The following MYO7B variants were observed in gnomAD, a reference collection of about 807,000 sequenced individuals.
MYO7B encodes the protein unconventional myosin-VIIb.
MYO7B carries 212 observed loss-of-function variants against 259.7 expected under a neutral mutation model. That is an observed-to-expected ratio of 0.82 (90% CI 0.73 to 0.91). MYO7B has a LOEUF of 0.91. MYO7B is among the 40% of genes least tolerant of loss of function. MYO7B has a pLI of 0.00. For missense variants in MYO7B, 2,732 were observed against 2,813.5 expected, an observed-to-expected ratio of 0.97 and a Z score of 0.66; for synonymous variants, 1,197 against 1,166.4, an observed-to-expected ratio of 1.03 and a Z score of -0.54.
Position 127,637,076 on chromosome 2 carries a change from C to T in MYO7B, c.6327+163C>T, listed in dbSNP as rs1466641525. On this transcript the variant is annotated intron_variant, in intron 47 of 47. Transcript: ENST00000409816. ...GAGGGCCTGGGTGCATCCCCAGGAC[C>T]AGCAGCCAAGGTGGCAAGGCCAGGC... The T allele has an allele frequency of 3.1e-6, 4 of 1,309,204 alleles. No homozygotes were observed. The East Asian group carries it at 7.5e-5, about 25-fold the overall frequency. 81.1% of individuals were successfully genotyped at this position (1,309,204 alleles called of 1,614,324 possible).
chr2:127,541,602 C>T (rs148189376), intron 1 of MYO7B, among the ~76,000 whole-genome samples: 186 of 152,308 alleles, frequency 1.2e-3, no homozygotes, highest in Admixed American at 3.4e-3. Flanking sequence ...CATACCTACA[C>T]GGGAGCCATA....
In MYO7B at chr2:127,559,768, G is replaced by T. The variant is rs377192509; in HGVS notation, c.18+28G>T. 15 of 1,613,574 alleles carry T rather than the reference G, an allele frequency of 9.3e-6. No homozygotes were observed. Among genetic ancestry groups the T allele is most frequent in the Admixed American group, 8.3e-5 (5 of 59,994 alleles). On this transcript the variant is annotated intron_variant, in intron 2 of 47. Coordinates refer to ENST00000409816, the MANE Select transcript of MYO7B (RefSeq NM_001393586.1). This position sits in a 1 kb window ranked among gnomAD's most constrained non-coding sequence, Gnocchi z 4.1. ...AAGAATTGTATGATTTGATCTAGGGGTTATTGGTGTAAGTTACTCAAGGCC... is the reference window on the plus strand; with the variant it reads ...AAGAATTGTATGATTTGATCTAGGGTTTATTGGTGTAAGTTACTCAAGGCC...
intron 1 of MYO7B, among the ~76,000 whole-genome samples, chr2:127,551,675 G>A (rs1013420809): frequency 3.9e-5 from 6 of 152,230 alleles, no homozygotes; most frequent in Admixed American, 2.0e-4. Flanking sequence ...GAGAAGGCAG[G>A]GCTGGAAGGA....
rs1326558920 is a variant in MYO7B at position 127,566,815 on chromosome 2, G to A, written c.458G>A (p.Cys153Tyr). Residue 153 changes from cysteine (C) to tyrosine (Y), a missense_variant, in exon 5 of 48, where the codon TGC (cysteine) becomes TAC (tyrosine). By Grantham distance (194) the Cys-to-Tyr change is radical (BLOSUM62 -2). Transcript: ENST00000409816. ...ATGAAGAGGAACAAGAGGGACCAGT[G>A]CTGCATCATCAGGTGAGGCAGAGGG... ...FSMKRNKRDQCCIISGESGAG... is the reference protein window; with the variant it reads ...FSMKRNKRDQYCIISGESGAG... 2.5e-6 allele frequency: 4 copies of A among 1,610,042 alleles called. No individual in the cohort carries two copies. The highest frequency in any genetic ancestry group is 1.7e-5 in the Admixed American group (1 of 59,972).
rs776351072 is a variant in MYO7B, at chr2:127,622,039, C to T, written c.3583C>T (p.Arg1195Cys). 5.2e-6 allele frequency: 8 copies of T among 1,551,644 alleles called. No homozygotes were observed. The highest frequency in any genetic ancestry group is 2.4e-5 in the South Asian group (2 of 84,066). ...GACCTACGGCCCCTTCTGTGCCGAG[C>T]GCCTGAGACGCACCTATGCCAATGG... ...PATYGPFCAE[R>C]LRRTYANGVR... The change falls in exon 28 of 48, where the codon CGC (arginine) becomes TGC (cysteine). Residue 1195 changes from arginine (R) to cysteine (C), a missense_variant. Coordinates refer to ENST00000409816, the MANE Select transcript of MYO7B (RefSeq NM_001393586.1).
At chr2:127,551,144 A>G (rs1314804131) in intron 1 of MYO7B, among the ~76,000 whole-genome samples, 1 of 152,152 alleles carries the variant, frequency 6.6e-6, no homozygotes, top group African/African-American at 2.4e-5. Context: ...TAGAAATACA[A>G]TATCAGGGTG....
Position 127,615,505 on chromosome 2 carries a change from T to C in MYO7B, c.3398+2902T>C, listed in dbSNP as rs995665442. 6.6e-6 allele frequency among the ~76,000 whole-genome samples: 1 copy of C among 152,036 alleles called. No homozygotes were observed. Among genetic ancestry groups the C allele is most frequent in the Non-Finnish European group, 1.5e-5 (1 of 68,014 alleles). ...AGCCCTTAGTATTTATTGGGTAGAA[T>C]GAGCAGGGAGGAGGAGGTAACGATT... On this transcript the variant is annotated intron_variant, in intron 26 of 47. Coordinates refer to ENST00000409816, the MANE Select transcript of MYO7B (RefSeq NM_001393586.1). The surrounding 1 kb of genome is among the most constrained non-coding windows in gnomAD (Gnocchi z 4.4).
At chr2:127,624,388 C>T (rs1681003022) in intron 30 of MYO7B, 68 bp downstream of exon 30, 3 of 1,433,210 alleles carry the variant, frequency 2.1e-6, no homozygotes, top group Non-Finnish European at 2.8e-6. Flanking sequence ...GAGGAGGCAC[C>T]CAACTGGCTT....
intron 19 of MYO7B, among the ~76,000 whole-genome samples, chr2:127,603,132 C>G (rs1021298887): frequency 1.3e-5 from 2 of 152,198 alleles, no homozygotes; most frequent in Admixed American, 6.5e-5. Context: ...GTTTCTTCCT[C>G]CACTGAAGTC....
In MYO7B at chr2:127,630,813, G is replaced by C; in HGVS notation, c.4842G>C (p.Leu1614=). Residue 1614 remains leucine, a synonymous_variant, in exon 36 of 48, where the codon CTG becomes CTC. Coordinates refer to ENST00000409816, the MANE Select transcript of MYO7B (RefSeq NM_001393586.1). Reference sequence around the variant, plus strand: ...CCATGTCACCAGAGAAGAGGAAGCTGGCGGCTCAGGAGGGGCAGTTCACAG... The same window carrying C: ...CCATGTCACCAGAGAAGAGGAAGCTCGCGGCTCAGGAGGGGCAGTTCACAG... ...LLAMSPEKRK[L]AAQEGQFTEP... The C allele has an allele frequency of 6.2e-7, 1 of 1,613,080 alleles. No homozygotes were observed. Among genetic ancestry groups the C allele is most frequent in the African/African-American group, 1.3e-5 (1 of 75,050 alleles).
At chr2:127,596,318 G>C (rs1679767705) in intron 18 of MYO7B, 144 bp from the exon 19 acceptor site, 1 of 653,902 alleles carries the variant, frequency 1.5e-6, no homozygotes. Context: ...GCAACATCAA[G>C]GTCACTTTGA....
intron 43 of MYO7B, 144 bp downstream of exon 43, chr2:127,635,370 A>G (rs1681746181): frequency 1.3e-6 from 1 of 755,582 alleles, no homozygotes; most frequent in Non-Finnish European, 2.2e-6. Context: ...CAAGCCCCTG[A>G]GGGCTCTGGA....
intron 5 of MYO7B, among the ~76,000 whole-genome samples, chr2:127,568,605 G>C (rs767408196): frequency 1.6e-4 from 24 of 152,186 alleles, no homozygotes; most frequent in Non-Finnish European, 3.5e-4. Flanking sequence ...TTTAAAAAAG[G>C]TAATATTTTG....
intron 6 of MYO7B, among the ~76,000 whole-genome samples, chr2:127,572,151 G>C (rs1361791101): frequency 6.6e-6 from 1 of 152,232 alleles, no homozygotes; most frequent in African/African-American, 2.4e-5. Flanking sequence ...GGGCATGATG[G>C]CTTATGCCAG....
Position 127,631,297 on chromosome 2 carries a change from C to T in MYO7B, c.5029C>T (p.Gln1677Ter). 2 of 1,612,334 alleles carry T rather than the reference C, an allele frequency of 1.2e-6. No individual in the cohort carries two copies. The highest frequency in any genetic ancestry group is 8.5e-7 in the Non-Finnish European group (1 of 1,179,474). Residue 1677 changes from glutamine (Q) to a stop codon, truncating the protein, a stop_gained, in exon 37 of 48, where the codon CAG (glutamine) becomes TAG (stop). Coordinates refer to ENST00000409816, the MANE Select transcript of MYO7B (RefSeq NM_001393586.1). LOFTEE classifies it high-confidence loss of function. ...GGCCTATTCCTGCGAGCCGCTGCGACAGCCGCTGCTCAAGCGAGTCCACGC... is the reference window on the plus strand; with the variant it reads ...GGCCTATTCCTGCGAGCCGCTGCGATAGCCGCTGCTCAAGCGAGTCCACGC... ...LWAYSCEPLR[Q>*]PLLKRVHANV...
In MYO7B at chr2:127,628,050, C is replaced by T; in HGVS notation, c.4461-322C>T. ...GAGGTTAGGTGGCTCAGAGTAAGCA[C>T]ATGGCAGAGCCGGCAGCTCATCTCA... On this transcript the variant is annotated intron_variant, in intron 33 of 47. Transcript: ENST00000409816. The surrounding 1 kb of genome is among the most constrained non-coding windows in gnomAD (Gnocchi z 4.8). 1 of 545,802 alleles carries T rather than the reference C, an allele frequency of 1.8e-6. No individual in the cohort carries two copies. Among genetic ancestry groups the T allele is most frequent in the Non-Finnish European group, 3.5e-6 (1 of 285,148 alleles). The allele number at this position is 545,802 out of a possible 1,614,324, so 33.8% of individuals were successfully genotyped here. A position where few individuals can be genotyped will look rare whatever the true frequency, so the allele number is the denominator to read the frequency against.
At chr2:127,624,045 T>G (rs1573709290) in intron 29 of MYO7B, 48 bp from the exon 30 acceptor site, 1 of 1,491,264 alleles carries the variant, frequency 6.7e-7, no homozygotes, top group Non-Finnish European at 9.0e-7. Flanking sequence ...CCCCGTGGGG[T>G]GGGGCATGCA....
intron 15 of MYO7B, 60 bp downstream of exon 15, chr2:127,588,615 C>T: frequency 6.3e-7 from 1 of 1,596,078 alleles, no homozygotes; most frequent in Non-Finnish European, 8.6e-7. Context: ...GCCAGACAGA[C>T]ATGTACAGGA....
chr2:127,617,489 T>TTTTG (rs1427342869), intron 26 of MYO7B, among the ~76,000 whole-genome samples: 30 of 89,286 alleles, frequency 3.4e-4, no homozygotes, highest in African/African-American at 1.1e-3. Context: ...GTAACGGGGT[T>TTTTG]TTTTTTTTTT....
Sources: allele counts gnomAD v4.1 joint callset (sites outside exome capture counted in the v4.1 genomes callset), GRCh38; gene constraint gnomAD v4.1.1; non-coding constraint Gnocchi (gnomAD v3.1); transcripts MANE v1.5; gene names NCBI Gene and HGNC (gene_info 2026-07-23, HGNC 2026-07-21).